Variants in ITPR1 observed in about 807,000 individuals in gnomAD.
ITPR1 encodes the protein inositol 1,4,5-trisphosphate receptor type 1.
In ITPR1, 96 loss-of-function variants were observed where a neutral mutation model predicts 318.4. The observed-to-expected ratio is 0.30, with a 90% CI of 0.26 to 0.36. The LOEUF (loss-of-function observed/expected upper bound fraction) is 0.36. ITPR1 is among the 10% of genes least tolerant of loss of function. ITPR1 has a pLI of 1.00. For missense variants in ITPR1, 2,440 were observed against 3,460.2 expected (o/e 0.71, Z 7.40); for synonymous variants, 1,312 against 1,289.9 (o/e 1.02, Z -0.37).
intron 44 of ITPR1, among the ~76,000 whole-genome samples, chr3:4,765,086 A>G (rs2045728659): frequency 6.6e-6 from 1 of 151,432 alleles, no homozygotes; most frequent in Non-Finnish European, 1.5e-5. Context: ...AAAGAAAAGA[A>G]ACGAGGCAGT....
intron 41 of ITPR1, among the ~76,000 whole-genome samples, chr3:4,726,331 A>C (rs1412684486): frequency 7.4e-6 from 1 of 135,730 alleles, no homozygotes; most frequent in African/African-American, 2.6e-5. Flanking sequence ...CGCCCAGCCT[A>C]TGATGCAGTT....
intron 4 of ITPR1, among the ~76,000 whole-genome samples, chr3:4,616,399 G>T (rs552193483): frequency 6.6e-6 from 1 of 152,052 alleles, no homozygotes; most frequent in Non-Finnish European, 1.5e-5. Context: ...AACCCCCTTG[G>T]TGGGGAATTA....
intron 4 of ITPR1, 63 bp downstream of exon 4, chr3:4,521,157 G>T (rs569686671): frequency 2.7e-6 from 3 of 1,110,290 alleles, no homozygotes; most frequent in East Asian, 2.4e-5. Flanking sequence ...GAAGTGTGTT[G>T]TTGGTGTGTG....
intron 4 of ITPR1, among the ~76,000 whole-genome samples, chr3:4,548,992 A>AG (rs905170451): frequency 1.3e-5 from 2 of 152,026 alleles, no homozygotes; most frequent in Non-Finnish European, 2.9e-5. Context: ...ACTTTTCGGG[A>AG]GGGGGGGACT....
chr3:4,579,976 C>T (rs564723938), intron 4 of ITPR1, among the ~76,000 whole-genome samples: 2 of 152,208 alleles, frequency 1.3e-5, no homozygotes, highest in South Asian at 2.1e-4. Context: ...TTTGGGAGGC[C>T]GAGACGGGTG....
intron 4 of ITPR1, among the ~76,000 whole-genome samples, chr3:4,556,811 G>A (rs1291418796): frequency 6.6e-6 from 1 of 152,020 alleles, no homozygotes; most frequent in Non-Finnish European, 1.5e-5. Context: ...TATTTTTTCA[G>A]CTTATTTGAG....
chr3:4,686,510 C>G (rs991508565), intron 30 of ITPR1, among the ~76,000 whole-genome samples: 1 of 152,176 alleles, frequency 6.6e-6, no homozygotes, highest in African/African-American at 2.4e-5. Flanking sequence ...AGTGTTGTCT[C>G]ATAATATCAT....
At chr3:4,781,485 G>C (rs2046835051) in intron 49 of ITPR1, among the ~76,000 whole-genome samples, 1 of 152,172 alleles carries the variant, frequency 6.6e-6, no homozygotes, top group Non-Finnish European at 1.5e-5. Context: ...AACTGAGACA[G>C]AAACTTGAGG....
chr3:4,722,835 T>C (rs1209604059), intron 40 of ITPR1, among the ~76,000 whole-genome samples: 1 of 152,192 alleles, frequency 6.6e-6, no homozygotes, highest in Non-Finnish European at 1.5e-5. Flanking sequence ...TAATTAGTAT[T>C]TTAGTTAGAA....
chr3:4,545,465 A>G (rs1235863204), intron 4 of ITPR1, among the ~76,000 whole-genome samples: 1 of 151,948 alleles, frequency 6.6e-6, no homozygotes, highest in Non-Finnish European at 1.5e-5. Flanking sequence ...TCTACAGAAA[A>G]TAGAATAATT....
intron 4 of ITPR1, among the ~76,000 whole-genome samples, chr3:4,601,235 T>C (rs1184616650): frequency 7.0e-6 from 1 of 143,798 alleles, no homozygotes; most frequent in African/African-American, 2.6e-5. Flanking sequence ...AAAGTAAAGT[T>C]GAGCCAGGCT....
chr3:4,782,703 A>G lies in ITPR1; in HGVS notation c.6472A>G (p.Arg2158Gly). The change falls in exon 50 of 62, where the codon AGG becomes GGG. Residue 2158 changes from arginine to glycine, a missense_variant. Around this residue, in one of 23 missense-constraint regions of ITPR1, gnomAD observed 115 missense variants for 204.5 expected, o/e 0.56. Transcript: ENST00000649015. ...ENGEDGAASP[R>G]NVGHNIYILA... ...CGGTGAGGATGGGGCGGCGTCCCCC[A>G]GGAACGTGGGGCACAACATCTACAT... is the stretch of plus-strand genomic sequence containing the variant. The G allele has an allele frequency of 6.3e-7, 1 of 1,595,520 alleles. No individual in the cohort carries two copies. The highest frequency in any genetic ancestry group is 8.5e-7 in the Non-Finnish European group (1 of 1,170,340).
chr3:4,612,337 C>T (rs1471009182), intron 4 of ITPR1, among the ~76,000 whole-genome samples: 5 of 151,960 alleles, frequency 3.3e-5, no homozygotes, highest in Non-Finnish European at 5.9e-5. Flanking sequence ...GCTAGGATTA[C>T]AGGCGTGAGC....
At chr3:4,662,323 G>T (rs1006382373) in intron 15 of ITPR1, 81 bp downstream of exon 15, 20 of 1,284,776 alleles carry the variant, frequency 1.6e-5, no homozygotes, top group Non-Finnish European at 2.0e-5. Context: ...TGAGAGAATG[G>T]TGACTCTGAA....
rs1184500345 is a variant in ITPR1, at chr3:4,846,254, C to T, written c.*29C>T. On this transcript the variant is annotated 3_prime_UTR_variant, in exon 62 of 62. Coordinates refer to ENST00000649015, the MANE Select transcript of ITPR1 (RefSeq NM_001378452.1). ...AATGAAAGAAAGGAATTGTATTTAC[C>T]TTTTATAATTATTATTAGTGTGGGT... The T allele has an allele frequency of 7.0e-7, 1 of 1,436,746 alleles. No individual in the cohort carries two copies. Among genetic ancestry groups the T allele is most frequent in the Non-Finnish European group, 9.6e-7 (1 of 1,043,672 alleles). The allele number at this position is 1,436,746 out of a possible 1,614,324, so 89.0% of individuals were successfully genotyped here.
Position 4,800,571 on chromosome 3 carries a change from C to T in ITPR1, c.7078C>T (p.Pro2360Ser), listed in dbSNP as rs1472287010. The T allele has an allele frequency of 6.2e-7, 1 of 1,613,926 alleles. No homozygotes were observed. Among genetic ancestry groups the T allele is most frequent in the East Asian group, 2.2e-5 (1 of 44,904 alleles). ...LRLIFSVGLQPTLFLLGAFNV... is the reference protein window; with the variant it reads ...LRLIFSVGLQSTLFLLGAFNV... ...ACTGATATTTTCAGTCGGGTTACAA[C>T]CCACGTTGTTTCTTCTGGGCGCTTT... The change falls in exon 54 of 62, where the codon CCC becomes TCC. Residue 2360 changes from proline (P) to serine (S), a missense_variant. Transcript: ENST00000649015.
chr3:4,645,900 T>G (rs1307954017), intron 10 of ITPR1, 172 bp downstream of exon 10: 5 of 629,910 alleles, frequency 7.9e-6, no homozygotes, highest in Admixed American at 3.0e-5. Flanking sequence ...TGTATATATA[T>G]AAGTCACAAA....
At chr3:4,830,184 C>G (rs752501471) in intron 60 of ITPR1, among the ~76,000 whole-genome samples, 1 of 151,700 alleles carries the variant, frequency 6.6e-6, no homozygotes, top group African/African-American at 2.4e-5. Flanking sequence ...CTATGTTGGC[C>G]GGGTTGGTCT....
intron 4 of ITPR1, among the ~76,000 whole-genome samples, chr3:4,611,526 C>T (rs1559534620): frequency 1.3e-5 from 2 of 151,222 alleles, no homozygotes; most frequent in African/African-American, 2.4e-5. Flanking sequence ...CGCCACTGTA[C>T]GCCAGCCTGG....
Sources: gnomAD v4.1 joint callset for allele counts (sites outside exome capture counted in the v4.1 genomes callset) on GRCh38, gnomAD v4.1.1 for gene constraint, gnomAD v4.1.1 regional missense constraint, MANE v1.5 for transcripts, NCBI Gene and HGNC (gene_info 2026-07-23, HGNC 2026-07-21) for gene names.